The following IWS1 variants were observed in gnomAD, a reference collection of about 807,000 sequenced individuals.
The protein encoded by IWS1 is interacts with SUPT6H, CTD assembly factor 1, also known as protein IWS1 homolog.
IWS1 carries 27 observed loss-of-function variants against 86.7 expected under a neutral mutation model. That is an observed-to-expected ratio of 0.31 (90% CI 0.23 to 0.43). The LOEUF (loss-of-function observed/expected upper bound fraction) is 0.43. Among genes scored for constraint, IWS1 ranks in the 20% least tolerant of loss-of-function variants. IWS1 has a pLI of 1.00. For missense variants in IWS1, 827 were observed against 1,000.8 expected, an observed-to-expected ratio of 0.83 and a Z score of 2.34; for synonymous variants, 313 against 335.1, an observed-to-expected ratio of 0.93 and a Z score of 0.72.
Position 127,526,356 on chromosome 2 carries a change from G to C in IWS1, c.-148C>G. ...TAACGGGTGCGGAGGGTAAGAAAGCGGTAGCGGCAAAGGCGAATTCTTTGA... is the reference window on the plus strand; with the variant it reads ...TAACGGGTGCGGAGGGTAAGAAAGCCGTAGCGGCAAAGGCGAATTCTTTGA... On this transcript the variant is annotated 5_prime_UTR_variant, in exon 1 of 14. Transcript: ENST00000295321. 2 of 1,537,276 alleles carry C rather than the reference G, an allele frequency of 1.3e-6. No individual in the cohort carries two copies. The highest frequency in any genetic ancestry group is 1.7e-6 in the Non-Finnish European group (2 of 1,146,570).
chr2:127,494,909 A>G lies in IWS1; in HGVS notation c.1762T>C (p.Leu588=). Residue 588 remains leucine, a synonymous_variant, in exon 8 of 14, where the codon TTA becomes CTA. Coordinates refer to ENST00000295321, the MANE Select transcript of IWS1 (RefSeq NM_017969.3). ...ATAACTACAGCAGGCAGTAAAGTTA[A>G]TTTTTTCAGTGCTGGCTTTTTTTGA... is the stretch of plus-strand genomic sequence containing the variant. ...NNQKKPALKK[L]TLLPAVVMHL... is the part of the protein sequence containing the mutation. 1 of 1,604,700 alleles carries G rather than the reference A, an allele frequency of 6.2e-7. No individual in the cohort carries two copies. Among genetic ancestry groups the G allele is most frequent in the Non-Finnish European group, 8.5e-7 (1 of 1,175,148 alleles).
intron 5 of IWS1, among the ~76,000 whole-genome samples, chr2:127,500,418 GC>G (rs1266993414): frequency 6.6e-6 from 1 of 152,014 alleles, no homozygotes; most frequent in Non-Finnish European, 1.5e-5. Flanking sequence ...TATCTATAAA[GC>G]CATGTTATTA....
chr2:127,502,920 T>C (rs781771129), intron 4 of IWS1, 48 bp from the exon 5 acceptor site: 6 of 1,046,580 alleles, frequency 5.7e-6, no homozygotes, highest in Non-Finnish European at 8.8e-6. Context: ...TATCCTCATT[T>C]GCATAGGAAC....
intron 2 of IWS1, among the ~76,000 whole-genome samples, chr2:127,522,166 T>C (rs1692133880): frequency 6.6e-6 from 1 of 152,158 alleles, no homozygotes; most frequent in Non-Finnish European, 1.5e-5. Flanking sequence ...AATGACCCCA[T>C]TTCAGTTCCA....
At chr2:127,481,968 T>C (rs1689655538) in intron 13 of IWS1, among the ~76,000 whole-genome samples, 1 of 152,172 alleles carries the variant, frequency 6.6e-6, no homozygotes, top group Non-Finnish European at 1.5e-5. Flanking sequence ...AAGGTTTGGT[T>C]TGGGGGCTAT....
chr2:127,526,655 G>A (rs1226016068), upstream of IWS1: 11 of 1,323,220 alleles, frequency 8.3e-6, no homozygotes, highest in East Asian at 5.2e-5. Context: ...GTGGATCCTG[G>A]TCTGACCCCC....
At chr2:127,495,076 GAAT>G (rs1392463893) in intron 7 of IWS1, 122 bp from the exon 8 acceptor site, 2 of 614,320 alleles carry the variant, frequency 3.3e-6, no homozygotes, top group Admixed American at 3.3e-5. Context: ...CTACAAGAAA[GAAT>G]AATTTAAGAT....
chr2:127,490,756 A>T (rs1312414950), intron 10 of IWS1: 1 of 152,226 alleles, frequency 6.6e-6, no homozygotes, highest in Non-Finnish European at 1.5e-5. Context: ...AGGGCAAAAA[A>T]ATAAAGTTGC....
rs755425442 is a variant in IWS1, at chr2:127,504,903, C to A, written c.1000G>T (p.Asp334Tyr). 6.8e-6 allele frequency: 11 copies of A among 1,614,142 alleles called. No individual in the cohort carries two copies. The highest frequency in any genetic ancestry group is 9.3e-6 in the Non-Finnish European group (11 of 1,180,036). ...GTATCCTCTCCCTTATTCTCCCTGT[C>A]GCTGTCATCATCTGACTCTGGCTTC... ...KQKPESDDDSDRENKGEDTEM... is the reference protein window; with the variant it reads ...KQKPESDDDSYRENKGEDTEM... The change falls in exon 3 of 14, where the codon GAC (aspartate) becomes TAC (tyrosine). Residue 334 changes from aspartate to tyrosine, a missense_variant. Asp to Tyr is a radical substitution (Grantham distance 160). Coordinates refer to ENST00000295321, the MANE Select transcript of IWS1 (RefSeq NM_017969.3).
chr2:127,505,719 T>G lies in IWS1; in HGVS notation c.184A>C (p.Lys62Gln), dbSNP rs1393478672. The G allele has an allele frequency of 6.3e-7, 1 of 1,575,028 alleles. No individual in the cohort carries two copies. Among genetic ancestry groups the G allele is most frequent in the Admixed American group, 2.0e-5 (1 of 50,584 alleles). ...ETSDREDGLP[K>Q]GHHVTDSEND... ...TCAGAGTCTGTCACATGATGTCCTT[T>G]GGGGAGGCCATCTTCTCGATCACTA... is the stretch of plus-strand genomic sequence containing the variant. The change falls in exon 3 of 14, where the codon AAA becomes CAA. Residue 62 changes from lysine (K) to glutamine (Q), a missense_variant. Lys to Gln is a moderately conservative substitution (Grantham distance 53). Transcript: ENST00000295321. This position sits in a 1 kb window ranked among gnomAD's most constrained non-coding sequence, Gnocchi z 5.0.
chr2:127,495,004 A>T (rs1317205656), intron 7 of IWS1, 50 bp from the exon 8 acceptor site: 2 of 1,102,380 alleles, frequency 1.8e-6, no homozygotes, highest in Non-Finnish European at 2.7e-6. Flanking sequence ...ACTTTTTATT[A>T]ATATTGAATT....
At chr2:127,506,110 G>C (rs1691135522) in intron 2 of IWS1, among the ~76,000 whole-genome samples, 1 of 152,162 alleles carries the variant, frequency 6.6e-6, no homozygotes, top group African/African-American at 2.4e-5. Context: ...GGCTGGACAA[G>C]GTGGCTCACA....
intron 13 of IWS1, among the ~76,000 whole-genome samples, chr2:127,483,200 C>G (rs548437895): frequency 6.6e-6 from 1 of 152,170 alleles, no homozygotes; most frequent in East Asian, 1.9e-4. Context: ...ATAGGCATTC[C>G]TTTGTCATTT....
At chr2:127,491,121 G>A (rs1453175519) in intron 10 of IWS1, among the ~76,000 whole-genome samples, 2 of 152,124 alleles carry the variant, frequency 1.3e-5, no homozygotes, top group African/African-American at 4.8e-5. Context: ...GATTTCTCTG[G>A]CATCATTAAA....
intron 2 of IWS1, among the ~76,000 whole-genome samples, chr2:127,506,347 G>A (rs1269643148): frequency 1.3e-5 from 2 of 152,056 alleles, no homozygotes; most frequent in Non-Finnish European, 2.9e-5. Context: ...CAGCCTGGGT[G>A]ACAGAGTGAG....
intron 3 of IWS1, among the ~76,000 whole-genome samples, 176 bp downstream of exon 3, chr2:127,504,508 T>C (rs755369218): frequency 2.6e-5 from 4 of 152,196 alleles, no homozygotes; most frequent in Non-Finnish European, 5.9e-5. Context: ...CAAGGAAACT[T>C]ACTATTAAGC....
intron 7 of IWS1, 115 bp from the exon 8 acceptor site, chr2:127,495,069 C>T (rs1690444258): frequency 1.6e-6 from 1 of 632,976 alleles, no homozygotes; most frequent in Non-Finnish European, 2.6e-6. Context: ...ATTTTTCCTA[C>T]AAGAAAGAAT....
intron 2 of IWS1, chr2:127,514,321 A>G (rs1691647671): frequency 6.5e-6 from 1 of 154,404 alleles, no homozygotes; most frequent in African/African-American, 2.4e-5. Flanking sequence ...CAGGAAAAGC[A>G]CTTGGGACCC....
chr2:127,495,986 G>A lies in IWS1; in HGVS notation c.1716+12C>T, dbSNP rs373270447. On this transcript the variant is annotated intron_variant, in intron 7 of 13. Transcript: ENST00000295321. Reference sequence around the variant, plus strand: ...AGGAAAAAAAGGTGAACCTAGAAGCGACCCAGCTCACCTCAGCAGCTTCAT... The same window carrying A: ...AGGAAAAAAAGGTGAACCTAGAAGCAACCCAGCTCACCTCAGCAGCTTCAT... 2.4e-5 allele frequency: 38 copies of A among 1,594,462 alleles called. No homozygotes were observed. Among genetic ancestry groups the A allele is most frequent in the East Asian group, 1.4e-4 (6 of 43,864 alleles).
Sources: gnomAD v4.1 joint callset for allele counts (sites outside exome capture counted in the v4.1 genomes callset) on GRCh38, gnomAD v4.1.1 for gene constraint, Gnocchi (gnomAD v3.1) non-coding constraint, MANE v1.5 for transcripts, NCBI Gene and HGNC (gene_info 2026-07-23, HGNC 2026-07-21) for gene names.